The following MORN1 variants were observed in gnomAD, a reference collection of about 807,000 sequenced individuals.
The protein encoded by MORN1 is MORN repeat containing 1.
MORN1 carries 67 observed loss-of-function variants against 61.9 expected under a neutral mutation model. The observed-to-expected ratio is 1.08, with a 90% confidence interval of 0.89 to 1.33. The LOEUF is 1.33. MORN1 is among the 40% of genes most tolerant of loss of function. The pLI, the probability that MORN1 is intolerant of heterozygous loss-of-function variation, is 0.00. For synonymous variants in MORN1, 301 were observed against 292.0 expected, an observed-to-expected ratio of 1.03 and a Z score of -0.31; for missense variants, 752 against 691.2, an observed-to-expected ratio of 1.09 and a Z score of -0.99.
chr1:2,356,903 G>A (rs964531436), intron 10 of MORN1, among the ~76,000 whole-genome samples: 3 of 152,314 alleles, frequency 2.0e-5, no homozygotes, highest in Admixed American at 2.0e-4. Context: ...CCCAGCCTTG[G>A]GGGGCAGAGT....
chr1:2,324,400 C>T (rs1385680036), intron 12 of MORN1, among the ~76,000 whole-genome samples: 1 of 152,198 alleles, frequency 6.6e-6, no homozygotes, highest in African/African-American at 2.4e-5. Flanking sequence ...GTGCTTATGG[C>T]CTTGGAGCAG....
chr1:2,324,291 G>T, intron 12 of MORN1, 148 bp from the exon 13 acceptor site: 1 of 760,068 alleles, frequency 1.3e-6, no homozygotes, highest in East Asian at 2.8e-5. Flanking sequence ...CGGGGCCATG[G>T]GCAGGACGGG....
At position 2,374,967 on chromosome 1, in the gene MORN1, C is replaced by T. The variant is rs1258914641; in HGVS notation, c.538-410G>A. The T allele has an allele frequency of 3.9e-5, 7 of 178,586 alleles. No homozygotes were observed. In the East Asian group the frequency reaches 1.1e-3, roughly 28 times the overall value. 11.1% of individuals were successfully genotyped at this position (178,586 alleles called of 1,614,324 possible). Reference sequence around the variant, plus strand: ...ACTGTGGCGTTGGGATTAAGGTGCCCTGCTTGTCCGTTACACTGTTCATTT... The same window carrying T: ...ACTGTGGCGTTGGGATTAAGGTGCCTTGCTTGTCCGTTACACTGTTCATTT... On this transcript the variant is annotated intron_variant, in intron 6 of 13. Coordinates refer to ENST00000378531, the MANE Select transcript of MORN1 (RefSeq NM_024848.3).
chr1:2,365,625 T>C (rs1397555420), intron 8 of MORN1, among the ~76,000 whole-genome samples: 4 of 151,212 alleles, frequency 2.6e-5, no homozygotes, highest in African/African-American at 9.7e-5. Flanking sequence ...AGGGCATCCC[T>C]GTCTTGTGCC....
chr1:2,352,239 C>T (rs754646047), intron 10 of MORN1: 9 of 203,074 alleles, frequency 4.4e-5, no homozygotes, highest in Admixed American at 6.0e-5. Flanking sequence ...TTATGCTTCC[C>T]CCTTTCTCCT....
intron 13 of MORN1, chr1:2,323,375 C>T (rs1271430145): frequency 4.1e-6 from 4 of 985,330 alleles, no homozygotes; most frequent in Non-Finnish European, 4.8e-6. Flanking sequence ...TTTGGCTCTC[C>T]AGCCAGAACC....
chr1:2,325,183 CTTCCT>C (rs1640994725), intron 12 of MORN1, among the ~76,000 whole-genome samples: 1 of 60,128 alleles, frequency 1.7e-5, no homozygotes, highest in Non-Finnish European at 3.7e-5. Context: ...CCTTCCTTCC[CTTCCT>C]TCACTTCCTT....
intron 12 of MORN1, among the ~76,000 whole-genome samples, chr1:2,325,273 C>T (rs1641000292): frequency 9.3e-6 from 1 of 107,300 alleles, no homozygotes; most frequent in African/African-American, 4.4e-5. Context: ...CTCTGCCTCT[C>T]TTTCTCTCTC....
At position 2,340,250 on chromosome 1, in the gene MORN1, C is replaced by T. The variant is rs77960879; in HGVS notation, c.1037-3400G>A. On this transcript the variant is annotated intron_variant, in intron 10 of 13. Coordinates refer to ENST00000378531, the MANE Select transcript of MORN1 (RefSeq NM_024848.3). Reference sequence around the variant, plus strand: ...TCGCTTCCCATGGACACAAGCACCACGTTCAGCCAGATGACCTCTCACCTG... The same window carrying T: ...TCGCTTCCCATGGACACAAGCACCATGTTCAGCCAGATGACCTCTCACCTG... Among the ~76,000 whole-genome samples the T allele has an allele frequency of 8.7e-3, 1,320 of 152,264 alleles. 22 individuals are homozygous for T. Among genetic ancestry groups the T allele is most frequent in the African/African-American group, 0.03 (1,262 of 41,556 alleles).
At chr1:2,373,620 C>T (rs1239599314) in intron 7 of MORN1, among the ~76,000 whole-genome samples, 1 of 152,150 alleles carries the variant, frequency 6.6e-6, no homozygotes, top group Non-Finnish European at 1.5e-5. Context: ...AGCACCTGGG[C>T]CGGGACCCAG....
chr1:2,347,389 C>G (rs965827563), intron 10 of MORN1, among the ~76,000 whole-genome samples: 2 of 152,188 alleles, frequency 1.3e-5, no homozygotes, highest in Non-Finnish European at 2.9e-5. Context: ...CCCCTACCCC[C>G]GATCACCCAT....
intron 6 of MORN1, chr1:2,378,336 T>C (rs545183695): frequency 6.5e-6 from 1 of 153,254 alleles, no homozygotes; most frequent in South Asian, 2.1e-4. Context: ...ATTATCTACA[T>C]GATTCTCAGT....
At chr1:2,327,419 G>A (rs1184019005) in intron 12 of MORN1, among the ~76,000 whole-genome samples, 1 of 151,370 alleles carries the variant, frequency 6.6e-6, no homozygotes, top group South Asian at 2.1e-4. Context: ...CAGAGACACA[G>A]AGACACAGAA....
intron 12 of MORN1, among the ~76,000 whole-genome samples, chr1:2,324,995 G>A (rs944788173): frequency 2.6e-5 from 4 of 151,650 alleles, no homozygotes; most frequent in South Asian, 2.1e-4. Flanking sequence ...AGGTGCCTCC[G>A]ATGCTCCTGC....
intron 12 of MORN1, among the ~76,000 whole-genome samples, chr1:2,327,215 GAAAC>G (rs1443928258): frequency 7.3e-6 from 1 of 136,800 alleles, no homozygotes; most frequent in Non-Finnish European, 1.5e-5. Flanking sequence ...CAGAAACACA[GAAAC>G]AAACACAGAG....
chr1:2,351,654 G>GA (rs1641649656), intron 10 of MORN1: 1 of 356,312 alleles, frequency 2.8e-6, no homozygotes, highest in Non-Finnish European at 5.4e-6. Context: ...AGAAGCGGAG[G>GA]GGCCCGAAAC....
chr1:2,323,555 A>T (rs1004009525), intron 13 of MORN1: 3 of 985,154 alleles, frequency 3.0e-6, no homozygotes, highest in African/African-American at 1.7e-5. Flanking sequence ...GGGGGGTGCC[A>T]GGCCCAGGCT....
intron 12 of MORN1, among the ~76,000 whole-genome samples, chr1:2,325,149 T>C (rs1640988844): frequency 8.1e-6 from 1 of 123,308 alleles, no homozygotes; most frequent in African/African-American, 3.0e-5. Context: ...CCTCCCTCCC[T>C]TCCTTCCCTC....
chr1:2,327,457 CAAACACAG>C (rs573471094), intron 12 of MORN1, among the ~76,000 whole-genome samples: 263 of 152,086 alleles, frequency 1.7e-3, no homozygotes, highest in African/African-American at 6.0e-3. Flanking sequence ...CACAGCAACA[CAAACACAG>C]AAACACAGAA....
Sources: allele counts gnomAD v4.1 joint callset (sites outside exome capture counted in the v4.1 genomes callset), GRCh38; gene constraint gnomAD v4.1.1; transcripts MANE v1.5; gene names NCBI Gene and HGNC (gene_info 2026-07-23, HGNC 2026-07-21).